Variants in HIPK2 observed in about 807,000 individuals in gnomAD.
HIPK2 encodes the protein homeodomain-interacting protein kinase 2.
HIPK2 carries 27 observed loss-of-function variants against 113.7 expected under a neutral mutation model. The observed-to-expected ratio is 0.24, with a 90% CI of 0.17 to 0.33. The LOEUF (loss-of-function observed/expected upper bound fraction) is 0.33, where lower values mean the gene tolerates loss of function less well. HIPK2 is among the 10% of genes least tolerant of loss of function. HIPK2 has a pLI of 1.00. For synonymous variants in HIPK2, 631 were observed against 642.2 expected (o/e 0.98, Z 0.26); for missense variants, 1,257 against 1,588.0 (o/e 0.79, Z 3.54).
chr7:139,728,242 T>G lies in HIPK2; in HGVS notation c.20-11227A>C, dbSNP rs192495733. 3.3e-3 allele frequency among the ~76,000 whole-genome samples: 498 copies of G among 152,314 alleles called. 4 individuals are homozygous for G. The highest frequency in any genetic ancestry group is 0.01 in the African/African-American group (422 of 41,576). ...ACAGGTGTGAGCCACTGTGCCTGGC[T>G]GGGTTAAGAACCTTATTTAGAAAAA... On this transcript the variant is annotated intron_variant, in intron 1 of 14. Coordinates refer to ENST00000406875, the MANE Select transcript of HIPK2 (RefSeq NM_022740.5).
At chr7:139,711,726 C>A (rs1795074546) in intron 2 of HIPK2, among the ~76,000 whole-genome samples, 1 of 151,514 alleles carries the variant, frequency 6.6e-6, no homozygotes, top group African/African-American at 2.4e-5. Flanking sequence ...TACCCCAGTA[C>A]CAATTTATTG....
At chr7:139,648,027 T>C (rs781470026) in intron 2 of HIPK2, among the ~76,000 whole-genome samples, 1 of 152,176 alleles carries the variant, frequency 6.6e-6, no homozygotes, top group Non-Finnish European at 1.5e-5. Context: ...CCCAGGGAAG[T>C]GCTCAGCTGC....
chr7:139,620,632 G>T, intron 6 of HIPK2, 69 bp from the exon 7 acceptor site: 1 of 1,566,254 alleles, frequency 6.4e-7, no homozygotes. Flanking sequence ...TGGGATGAAG[G>T]GGAGAAAACA....
intron 2 of HIPK2, among the ~76,000 whole-genome samples, chr7:139,680,727 T>C (rs1398548962): frequency 1.3e-5 from 2 of 152,266 alleles, no homozygotes; most frequent in Admixed American, 6.5e-5. Context: ...GTGTGCTTCC[T>C]GAATTTCCCA....
chr7:139,681,785 G>A (rs1334906669), intron 2 of HIPK2, among the ~76,000 whole-genome samples: 2 of 152,150 alleles, frequency 1.3e-5, no homozygotes, highest in Non-Finnish European at 2.9e-5. Flanking sequence ...ACCAAGCCCT[G>A]GGTCCATGCA....
At chr7:139,638,507 C>T (rs1431904252) in intron 2 of HIPK2, among the ~76,000 whole-genome samples, 1 of 152,136 alleles carries the variant, frequency 6.6e-6, no homozygotes, top group Admixed American at 6.5e-5. Flanking sequence ...ATTTCCTCAT[C>T]GCTATTTTGG....
At chr7:139,669,143 T>C (rs1369753837) in intron 2 of HIPK2, among the ~76,000 whole-genome samples, 1 of 152,212 alleles carries the variant, frequency 6.6e-6, no homozygotes, top group African/African-American at 2.4e-5. Context: ...TGAGGACTTA[T>C]CATTCTGGAT....
intron 12 of HIPK2, among the ~76,000 whole-genome samples, chr7:139,589,628 G>A (rs2116600602): frequency 6.6e-6 from 1 of 152,316 alleles, no homozygotes; most frequent in South Asian, 2.1e-4. Flanking sequence ...TGTCACTGAA[G>A]AATGGCTTTC....
intron 1 of HIPK2, among the ~76,000 whole-genome samples, chr7:139,727,297 G>C (rs1202640943): frequency 6.6e-6 from 1 of 152,196 alleles, no homozygotes; most frequent in East Asian, 1.9e-4. Context: ...CAGAGAAAGA[G>C]TGGCAGAGCC....
chr7:139,652,257 G>A (rs542248246), intron 2 of HIPK2, among the ~76,000 whole-genome samples: 3 of 152,292 alleles, frequency 2.0e-5, no homozygotes, highest in South Asian at 4.1e-4. Flanking sequence ...GTGCTGGGCT[G>A]GGGGAGAATG....
At chr7:139,629,604 G>C (rs1250765987) in intron 4 of HIPK2, among the ~76,000 whole-genome samples, 10 of 152,230 alleles carry the variant, frequency 6.6e-5, no homozygotes. Context: ...GCTGGCCCCA[G>C]AGTTTGTGGC....
At chr7:139,752,100 C>T (rs957588388) in intron 1 of HIPK2, among the ~76,000 whole-genome samples, 4 of 152,234 alleles carry the variant, frequency 2.6e-5, no homozygotes, top group Non-Finnish European at 5.9e-5. Context: ...AGGCCACTCA[C>T]AACCTTGCTT....
At chr7:139,636,648 G>C (rs1800823786) in intron 2 of HIPK2, among the ~76,000 whole-genome samples, 1 of 152,126 alleles carries the variant, frequency 6.6e-6, no homozygotes, top group South Asian at 2.1e-4. Flanking sequence ...GAGGCAGGAA[G>C]AGACAAGGAA....
chr7:139,573,474 G>A, intron 14 of HIPK2, 77 bp from the exon 15 acceptor site: 1 of 1,334,952 alleles, frequency 7.5e-7, no homozygotes, highest in Non-Finnish European at 1.0e-6. Flanking sequence ...GGGCAGGAGG[G>A]CAGGGAGGAG....
chr7:139,716,110 C>A lies in HIPK2; in HGVS notation c.925G>T (p.Ala309Ser), dbSNP rs746489231. Reference sequence around the variant, plus strand: ...CTTTTGAGTTTCATCAGGGCTGTGGCTACCTGCTGGAGAACTGGGCGAATG... The same window carrying A: ...CTTTTGAGTTTCATCAGGGCTGTGGATACCTGCTGGAGAACTGGGCGAATG... ...KYIRPVLQQV[A>S]TALMKLKSLG... The change falls in exon 2 of 15, where the codon GCC becomes TCC. Residue 309 changes from alanine (A) to serine (S), a missense_variant. Physicochemically the swap from Ala to Ser is moderately conservative, Grantham distance 99. This residue lies in a region of HIPK2 where 84 missense variants were observed against 182.2 expected (regional missense o/e 0.46). Coordinates refer to ENST00000406875, the MANE Select transcript of HIPK2 (RefSeq NM_022740.5). The surrounding 1 kb of genome is among the most constrained non-coding windows in gnomAD (Gnocchi z 9.3). The A allele has an allele frequency of 6.2e-7, 1 of 1,614,076 alleles. No homozygotes were observed. The highest frequency in any genetic ancestry group is 8.5e-7 in the Non-Finnish European group (1 of 1,179,962).
intron 1 of HIPK2, among the ~76,000 whole-genome samples, chr7:139,718,922 C>T (rs191290049): frequency 6.6e-6 from 1 of 152,294 alleles, no homozygotes; most frequent in East Asian, 1.9e-4. Flanking sequence ...CTCGTTAATG[C>T]ACTATAGGCT....
At chr7:139,693,821 G>A (rs1794486245) in intron 2 of HIPK2, among the ~76,000 whole-genome samples, 1 of 151,954 alleles carries the variant, frequency 6.6e-6, no homozygotes, top group African/African-American at 2.4e-5. Flanking sequence ...CCAATAATGT[G>A]TGACTCAGGT....
intron 7 of HIPK2, among the ~76,000 whole-genome samples, chr7:139,615,900 C>T (rs947653487): frequency 6.6e-6 from 1 of 152,178 alleles, no homozygotes; most frequent in African/African-American, 2.4e-5. Context: ...GCTTTTGCAG[C>T]GTCGCATAGT....
chr7:139,751,597 T>C (rs1045876353), intron 1 of HIPK2, among the ~76,000 whole-genome samples: 192 of 117,832 alleles, frequency 1.6e-3, no homozygotes, highest in African/African-American at 5.1e-3. Flanking sequence ...GATAGATGGA[T>C]GGATGGATGG....
Sources: gnomAD v4.1 joint callset for allele counts (sites outside exome capture counted in the v4.1 genomes callset) on GRCh38, gnomAD v4.1.1 for gene constraint, gnomAD v4.1.1 regional missense constraint, Gnocchi (gnomAD v3.1) non-coding constraint, MANE v1.5 for transcripts, NCBI Gene and HGNC (gene_info 2026-07-23, HGNC 2026-07-21) for gene names.